The following DPYD variants were observed in gnomAD, a reference collection of about 807,000 sequenced individuals.
DPYD encodes dihydropyrimidine dehydrogenase.
A neutral mutation model predicts 116.2 loss-of-function variants in DPYD; 109 were observed. The ratio of observed to expected loss-of-function variants is 0.94; its 90% confidence interval spans 0.80 to 1.10. The LOEUF (loss-of-function observed/expected upper bound fraction) is 1.10, where lower values mean the gene tolerates loss of function less well. DPYD is among the 50% of genes least tolerant of loss of function. The pLI, the probability that DPYD is intolerant of heterozygous loss-of-function variation, is 0.00. For synonymous variants in DPYD, 440 were observed against 432.0 expected, an observed-to-expected ratio of 1.02 and a Z score of -0.23; for missense variants, 1,302 against 1,254.5, an observed-to-expected ratio of 1.04 and a Z score of -0.57.
intron 14 of DPYD, among the ~76,000 whole-genome samples, chr1:97,436,010 G>T (rs1675450854): frequency 6.6e-6 from 1 of 152,112 alleles, no homozygotes; most frequent in Middle Eastern, 3.4e-3. Flanking sequence ...TCATAAAACA[G>T]TTGTGCATTT....
At position 97,721,876 on chromosome 1, in the gene DPYD, A is replaced by T. The variant is rs972225046; in HGVS notation, c.322-205T>A. Among the ~76,000 whole-genome samples the T allele has an allele frequency of 3.3e-5, 5 of 151,648 alleles. No homozygotes were observed. The Admixed American group carries it at 3.3e-4, about 10-fold the overall frequency. ...CACATAGGAATATTCAATGCACAGT[A>T]TGTTGATAAATGAATAACTAATCAA... On this transcript the variant is annotated intron_variant, in intron 4 of 22. Coordinates refer to ENST00000370192, the MANE Select transcript of DPYD (RefSeq NM_000110.4).
At chr1:97,374,442 C>T (rs140879071) in intron 15 of DPYD, among the ~76,000 whole-genome samples, 17 of 152,050 alleles carry the variant, frequency 1.1e-4, no homozygotes, top group Non-Finnish European at 2.5e-4. Flanking sequence ...TATTATAGGC[C>T]GGGCACAGTG....
intron 13 of DPYD, among the ~76,000 whole-genome samples, chr1:97,475,297 G>T (rs1677893444): frequency 6.6e-6 from 1 of 151,950 alleles, no homozygotes; most frequent in Admixed American, 6.6e-5. Flanking sequence ...ATAAACTCTA[G>T]ATATATTAAA....
intron 9 of DPYD, among the ~76,000 whole-genome samples, chr1:97,594,561 A>G (rs1654746576): frequency 6.6e-6 from 1 of 152,174 alleles, no homozygotes. Flanking sequence ...CCCAAAGACA[A>G]TGACTCTGGT....
At chr1:97,913,757 TAA>T (rs1484637955) in intron 1 of DPYD, among the ~76,000 whole-genome samples, 3 of 151,832 alleles carry the variant, frequency 2.0e-5, no homozygotes, top group African/African-American at 7.3e-5. Flanking sequence ...AGTTGGAGGA[TAA>T]AGTTTTGGGA....
chr1:97,854,750 T>C (rs1174105358), intron 2 of DPYD, among the ~76,000 whole-genome samples: 1 of 152,164 alleles, frequency 6.6e-6, no homozygotes, highest in African/African-American at 2.4e-5. Flanking sequence ...TACCCCCTGC[T>C]TATGTACATT....
chr1:97,719,429 GA>G (rs994003110), intron 5 of DPYD, among the ~76,000 whole-genome samples: 1 of 151,688 alleles, frequency 6.6e-6, no homozygotes, highest in African/African-American at 2.4e-5. Flanking sequence ...TAATTTGGTT[GA>G]AAAAATAGAT....
chr1:97,089,819 TTTTG>T (rs370810328), intron 21 of DPYD, among the ~76,000 whole-genome samples: 26,534 of 83,190 alleles, frequency 0.32, 2,383 homozygotes, highest in Middle Eastern at 0.42. Flanking sequence ...TCTGAGGCCA[TTTTG>T]TTTGTTTTTT....
chr1:97,093,067 GC>G (rs1322993254), intron 21 of DPYD, among the ~76,000 whole-genome samples: 4 of 151,992 alleles, frequency 2.6e-5, no homozygotes, highest in Non-Finnish European at 5.9e-5. Context: ...CCTCAAGGAG[GC>G]TTTCATTGGC....
At chr1:97,573,197 T>C (rs1653022293) in intron 11 of DPYD, among the ~76,000 whole-genome samples, 1 of 152,120 alleles carries the variant, frequency 6.6e-6, no homozygotes. Context: ...TGAAATGTTA[T>C]ATAAAACATT....
intron 20 of DPYD, among the ~76,000 whole-genome samples, chr1:97,190,487 T>C (rs746205669): frequency 1.3e-5 from 2 of 152,142 alleles, no homozygotes; most frequent in African/African-American, 2.4e-5. Flanking sequence ...GCATGCTGCA[T>C]GGTTTTTAAG....
chr1:97,825,778 AAAAG>A (rs1253369731), intron 3 of DPYD, among the ~76,000 whole-genome samples: 2 of 152,154 alleles, frequency 1.3e-5, no homozygotes, highest in Admixed American at 6.6e-5. Flanking sequence ...TAATAAAAAA[AAAAG>A]AAAGAAAGAA....
chr1:97,834,615 A>C (rs1669679189), intron 2 of DPYD, among the ~76,000 whole-genome samples: 1 of 151,986 alleles, frequency 6.6e-6, no homozygotes, highest in Non-Finnish European at 1.5e-5. Context: ...AAAATGGCAC[A>C]CTCCAACATG....
chr1:97,553,428 T>C (rs1188425019), intron 11 of DPYD, among the ~76,000 whole-genome samples: 2 of 152,150 alleles, frequency 1.3e-5, no homozygotes, highest in East Asian at 1.9e-4. Flanking sequence ...TCCTCATCAT[T>C]GTAACTGTTC....
chr1:97,700,824 A>C (rs2100976118), intron 5 of DPYD, among the ~76,000 whole-genome samples: 1 of 152,124 alleles, frequency 6.6e-6, no homozygotes, highest in South Asian at 2.1e-4. Flanking sequence ...AAAAGCTGGA[A>C]TTTGTTAAAA....
chr1:97,745,042 T>C (rs1304031097), intron 3 of DPYD, among the ~76,000 whole-genome samples: 11 of 152,048 alleles, frequency 7.2e-5, no homozygotes, highest in Non-Finnish European at 1.6e-4. Flanking sequence ...CAGCTTCCAA[T>C]AATTATCTGC....
At chr1:97,461,037 G>GAA (rs374512056) in intron 13 of DPYD, among the ~76,000 whole-genome samples, 11 of 117,176 alleles carry the variant, frequency 9.4e-5, no homozygotes, top group Admixed American at 2.7e-4. Flanking sequence ...AACTCCATCT[G>GAA]AAAAAAAAAA....
At chr1:97,091,998 C>T (rs1235671666) in intron 21 of DPYD, among the ~76,000 whole-genome samples, 1 of 152,122 alleles carries the variant, frequency 6.6e-6, no homozygotes, top group East Asian at 1.9e-4. Context: ...ATGCAGTGTT[C>T]TTCCCCTGGA....
At chr1:97,535,758 T>C (rs1423508418) in intron 12 of DPYD, among the ~76,000 whole-genome samples, 2 of 152,172 alleles carry the variant, frequency 1.3e-5, no homozygotes, top group African/African-American at 4.8e-5. Flanking sequence ...ATAGCTCCAT[T>C]AGGTACAGCC....
Sources: gnomAD v4.1 joint callset for allele counts (sites outside exome capture counted in the v4.1 genomes callset) on GRCh38, gnomAD v4.1.1 for gene constraint, MANE v1.5 for transcripts, NCBI Gene and HGNC (gene_info 2026-07-23, HGNC 2026-07-21) for gene names.